STAG3: variants seen among roughly 807,000 people sequenced by gnomAD.
STAG3 encodes the protein cohesin subunit SA-3.
STAG3 carries 101 observed loss-of-function variants against 160.7 expected under a neutral mutation model. The observed-to-expected ratio is 0.63, with a 90% CI of 0.54 to 0.74. The LOEUF (loss-of-function observed/expected upper bound fraction) is 0.74. Among genes scored for constraint, STAG3 ranks in the 30% least tolerant of loss-of-function variants. The pLI is 0.00. For missense variants in STAG3, 1,188 were observed against 1,517.4 expected (o/e 0.78, Z 3.61); for synonymous variants, 519 against 585.0 (o/e 0.89, Z 1.63).
intron 13 of STAG3, 29 bp from the exon 14 acceptor site, chr7:100,198,814 G>C (rs1474399579): frequency 1.3e-6 from 2 of 1,585,762 alleles, no homozygotes; most frequent in Non-Finnish European, 1.7e-6. Flanking sequence ...CTGTTGTGCT[G>C]AGCCCTTTCC....
rs1260269070 is a variant in STAG3 at position 100,199,440 on chromosome 7, C to T, written c.1573+73C>T. ...TGAAACTGGGAGGGATTGCTTGCTT[C>T]ACTTGTACAAGGCAGCAACGGTGGC... On this transcript the variant is annotated intron_variant, in intron 15 of 33. Transcript: ENST00000615138. 2.6e-6 allele frequency: 4 copies of T among 1,560,050 alleles called. No homozygotes were observed. The East Asian group carries it at 6.7e-5, about 26-fold the overall frequency.
chr7:100,201,081 C>T lies in STAG3; in HGVS notation c.2062-9C>T. Reference sequence around the variant, plus strand: ...GGAAATGCTATTGTGGATCTTCTTTCCTTCTCAGTCGTCCTTCCTAGATGA... The same window carrying T: ...GGAAATGCTATTGTGGATCTTCTTTTCTTCTCAGTCGTCCTTCCTAGATGA... On this transcript the variant is annotated splice_polypyrimidine_tract_variant and intron_variant, in intron 19 of 33. Transcript: ENST00000615138. 1.9e-6 allele frequency: 3 copies of T among 1,614,162 alleles called. No homozygotes were observed. The highest frequency in any genetic ancestry group is 2.5e-6 in the Non-Finnish European group (3 of 1,180,028).
chr7:100,204,186 C>G (rs1801416788), intron 26 of STAG3, 64 bp downstream of exon 26: 1 of 1,298,500 alleles, frequency 7.7e-7, no homozygotes, highest in African/African-American at 1.5e-5. Flanking sequence ...CTACCCTCAG[C>G]CACTCAGAAT....
chr7:100,201,414 T>C lies in STAG3; in HGVS notation c.2220+63T>C. On this transcript the variant is annotated intron_variant, in intron 21 of 33. Transcript: ENST00000615138. The stretch of plus-strand genomic sequence containing the variant: ...GGCTAGATTTTAAGGACCTACGTTC[T>C]AGGTGGCCACTAGGTGTGTCAAGTC... 4 of 1,452,072 alleles carry C rather than the reference T, an allele frequency of 2.8e-6. No individual in the cohort carries two copies. The South Asian group carries it at 4.6e-5, about 17-fold the overall frequency. The allele number at this position is 1,452,072 out of a possible 1,614,324, so 89.9% of individuals were successfully genotyped here. A position where few individuals can be genotyped will look rare whatever the true frequency, so the allele number is the denominator to read the frequency against.
downstream of STAG3, among the ~76,000 whole-genome samples, chr7:100,216,451 A>AT (rs1384932794): frequency 1.3e-5 from 2 of 152,254 alleles, no homozygotes; most frequent in African/African-American, 4.8e-5. Flanking sequence ...GGCTTAGAGC[A>AT]AAGTGAGAAA....
Position 100,200,331 on chromosome 7 carries a change from A to G in STAG3, c.1770+3A>G, listed in dbSNP as rs762593999. ...TGCTGCCCCAGCTCCTGGCCAAGGT[A>G]CCGCTGCCCCTCCACTCTGCATCAC... On this transcript the variant is annotated splice_donor_region_variant and intron_variant, in intron 17 of 33. Coordinates refer to ENST00000615138, the MANE Select transcript of STAG3 (RefSeq NM_001282717.2). The G allele has an allele frequency of 6.2e-7, 1 of 1,613,882 alleles. No homozygotes were observed. The highest frequency in any genetic ancestry group is 8.5e-7 in the Non-Finnish European group (1 of 1,179,884).
intron 8 of STAG3, among the ~76,000 whole-genome samples, chr7:100,190,480 A>T (rs1800284723): frequency 6.6e-6 from 1 of 152,226 alleles, no homozygotes; most frequent in Non-Finnish European, 1.5e-5. Flanking sequence ...TGTCAGGTTG[A>T]TCTTAAAAGC....
chr7:100,215,346 G>T (rs184998257), downstream of STAG3, among the ~76,000 whole-genome samples: 26 of 146,270 alleles, frequency 1.8e-4, no homozygotes, highest in East Asian at 2.0e-3. Flanking sequence ...CTCCCTCCCC[G>T]CCCCCACCTG....
In STAG3 at chr7:100,214,276, CCT is replaced by C; in HGVS notation, c.*264_*265del. ...CTGTTTGGAGTGGAGAAGGGCAGCA[CCT>C]CTGTGTTTAATGGAAATAGCCCATA... On this transcript the variant is annotated 3_prime_UTR_variant, in exon 34 of 34. Transcript: ENST00000615138. 1.9e-6 allele frequency: 1 copy of C among 535,156 alleles called. No homozygotes were observed. The highest frequency in any genetic ancestry group is 2.7e-5 in the South Asian group (1 of 37,082). 33.2% of individuals were successfully genotyped at this position (535,156 alleles called of 1,614,324 possible).
In STAG3 at chr7:100,201,324, T is replaced by A. The variant is rs1562987870; in HGVS notation, c.2193T>A (p.Ala731=). 1 of 1,614,130 alleles carries A rather than the reference T, an allele frequency of 6.2e-7. No individual in the cohort carries two copies. The highest frequency in any genetic ancestry group is 8.5e-7 in the Non-Finnish European group (1 of 1,180,014). ...YEPCCQLLQK[A]VDTGEVPHQV... ...CATGTTGCCAACTCCTGCAGAAGGC[T>A]GTGGACACAGGAGAGGTTCCTCACC... is the stretch of plus-strand genomic sequence containing the variant. The change falls in exon 21 of 34, where the codon GCT becomes GCA. Residue 731 remains alanine (A), a synonymous_variant. Coordinates refer to ENST00000615138, the MANE Select transcript of STAG3 (RefSeq NM_001282717.2).
chr7:100,193,272 A>C (rs934873638), intron 8 of STAG3, among the ~76,000 whole-genome samples: 32 of 152,328 alleles, frequency 2.1e-4, no homozygotes, highest in African/African-American at 7.0e-4. Flanking sequence ...CATAATTCTT[A>C]AGGGCCTTAG....
At position 100,210,992 on chromosome 7, in the gene STAG3, G is replaced by T; in HGVS notation, c.3239-19G>T. On this transcript the variant is annotated intron_variant, in intron 29 of 33. Transcript: ENST00000615138. Reference sequence around the variant, plus strand: ...TCGCAGGCCCTGGGCTGTGGTTAATGTATGCATCTGCTTGGCAGGGCCTGC... The same window carrying T: ...TCGCAGGCCCTGGGCTGTGGTTAATTTATGCATCTGCTTGGCAGGGCCTGC... The T allele has an allele frequency of 6.2e-7, 1 of 1,609,992 alleles. No individual in the cohort carries two copies.
At chr7:100,184,961 A>G (rs1303864282) in intron 4 of STAG3, among the ~76,000 whole-genome samples, 1 of 152,076 alleles carries the variant, frequency 6.6e-6, no homozygotes, top group Non-Finnish European at 1.5e-5. Flanking sequence ...ATGTGTTGGA[A>G]TTCTTTGGGG....
intron 14 of STAG3, 65 bp downstream of exon 14, chr7:100,199,022 G>C (rs1800882958): frequency 6.9e-7 from 1 of 1,449,196 alleles, no homozygotes; most frequent in East Asian, 2.3e-5. Flanking sequence ...GGGGTTGGTG[G>C]CTCACGCCTG....
chr7:100,191,049 T>C (rs577780544), intron 8 of STAG3, among the ~76,000 whole-genome samples: 2 of 152,292 alleles, frequency 1.3e-5, no homozygotes, highest in African/African-American at 4.8e-5. Flanking sequence ...GTTCCCTTTC[T>C]CCTTATAATT....
intron 29 of STAG3, among the ~76,000 whole-genome samples, chr7:100,209,366 C>T (rs923759726): frequency 1.3e-5 from 2 of 151,984 alleles, no homozygotes; most frequent in Admixed American, 6.5e-5. Context: ...CCTGAGGCCA[C>T]GAGGGGATGG....
chr7:100,198,656 C>T, intron 13 of STAG3, 74 bp downstream of exon 13: 1 of 1,432,942 alleles, frequency 7.0e-7, no homozygotes, highest in Non-Finnish European at 9.8e-7. Flanking sequence ...GCTGCCCTAC[C>T]TAAGGCTTCC....
Position 100,204,758 on chromosome 7 carries a change from C to T in STAG3, c.2934C>T (p.Leu978=), listed in dbSNP as rs753133633. The T allele has an allele frequency of 2.7e-5, 44 of 1,613,356 alleles. 1 individual carries two copies. The highest frequency in any genetic ancestry group is 1.4e-4 in the South Asian group (13 of 91,040). The change falls in exon 27 of 34, where the codon CTC becomes CTT. Residue 978 remains leucine (L), a synonymous_variant. Transcript: ENST00000615138. ...CCCAGCAGCTGCAGAACCGTGACCT[C>T]GTGGTCATGCTACACAAGTAGGAAG... ...FGPQQLQNRD[L]VVMLHKEGIQ...
At chr7:100,181,511 A>G (rs1799641364) in intron 2 of STAG3, 1 of 152,286 alleles carries the variant, frequency 6.6e-6, no homozygotes, top group African/African-American at 2.4e-5. Flanking sequence ...ATCTTTCTCT[A>G]CAAAGAGCAG....
Sources: gnomAD v4.1 joint callset for allele counts (sites outside exome capture counted in the v4.1 genomes callset) on GRCh38, gnomAD v4.1.1 for gene constraint, MANE v1.5 for transcripts, NCBI Gene and HGNC (gene_info 2026-07-23, HGNC 2026-07-21) for gene names.